The following PAFAH1B1 variants were observed in gnomAD, a reference collection of about 807,000 sequenced individuals.
PAFAH1B1 encodes the protein platelet-activating factor acetylhydrolase IB subunit beta.
A neutral mutation model predicts 57.5 loss-of-function variants in PAFAH1B1; 2 were observed. The ratio of observed to expected loss-of-function variants is 0.03; its 90% confidence interval spans 0.01 to 0.11. The LOEUF is 0.11. Among genes scored for constraint, PAFAH1B1 ranks in the 10% least tolerant of loss-of-function variants. PAFAH1B1 has a pLI of 1.00. For synonymous variants in PAFAH1B1, 152 were observed against 169.6 expected (o/e 0.90, Z 0.81); for missense variants, 257 against 512.0 (o/e 0.50, Z 4.81).
At chr17:2,667,253 G>A in intron 5 of PAFAH1B1, 55 bp downstream of exon 5, 1 of 1,366,168 alleles carries the variant, frequency 7.3e-7, no homozygotes, top group Non-Finnish European at 1.0e-6. Flanking sequence ...AGAATGGCAT[G>A]AACCCGGGAG....
rs2068213838 is a variant in PAFAH1B1 at position 2,607,057 on chromosome 17, A to G, written c.-191+13051A>G. Among the ~76,000 whole-genome samples the G allele has an allele frequency of 2.0e-5, 3 of 151,128 alleles. No homozygotes were observed. In the South Asian group the frequency reaches 6.3e-4, roughly 32 times the overall value. The stretch of plus-strand genomic sequence containing the variant: ...GCTAGGATGGTCTCGATTTCCTGAC[A>G]TTGTGATCCACCCGCCTCGGCCTCC... On this transcript the variant is annotated intron_variant, in intron 1 of 10. Coordinates refer to ENST00000397195, the MANE Select transcript of PAFAH1B1 (RefSeq NM_000430.4).
chr17:2,593,191 AAATCATCTC>A (rs2068040281), upstream of PAFAH1B1: 7 of 152,062 alleles, frequency 4.6e-5, no homozygotes, highest in Admixed American at 3.9e-4. Context: ...CCAAACTGGG[AAATCATCTC>A]GGAGGCCGGA....
At chr17:2,617,643 C>A (rs2068362617) in intron 1 of PAFAH1B1, among the ~76,000 whole-genome samples, 1 of 152,132 alleles carries the variant, frequency 6.6e-6, no homozygotes, top group Non-Finnish European at 1.5e-5. Context: ...TGAGGCCAGG[C>A]ATGGTGGCTC....
intron 1 of PAFAH1B1, among the ~76,000 whole-genome samples, chr17:2,608,051 T>C (rs1229852380): frequency 6.6e-6 from 1 of 152,074 alleles, no homozygotes; most frequent in Non-Finnish European, 1.5e-5. Context: ...GTTTATTTAG[T>C]TGTATAATTT....
At chr17:2,604,812 A>G (rs541825591) in intron 1 of PAFAH1B1, among the ~76,000 whole-genome samples, 1 of 152,270 alleles carries the variant, frequency 6.6e-6, no homozygotes, top group Non-Finnish European at 1.5e-5. Context: ...TCTGTCTCAA[A>G]AAAAAAATAA....
Position 2,677,778 on chromosome 17 carries a change from C to T in PAFAH1B1, c.1002+1172C>T, listed in dbSNP as rs541599126. 2.2e-4 allele frequency among the ~76,000 whole-genome samples: 33 copies of T among 151,792 alleles called. No individual in the cohort carries two copies. In the South Asian group the frequency reaches 6.8e-3, roughly 32 times the overall value. On this transcript the variant is annotated intron_variant, in intron 9 of 10. Transcript: ENST00000397195. ...CTGAGGCAGGAGAATGGCGTGAACC[C>T]GGGAGGCGGAGCTTGCAGTGACCGG... is the stretch of plus-strand genomic sequence containing the variant.
chr17:2,680,078 G>A, intron 9 of PAFAH1B1, 86 bp from the exon 10 acceptor site: 1 of 1,166,974 alleles, frequency 8.6e-7, no homozygotes, highest in Non-Finnish European at 1.3e-6. Flanking sequence ...GATGTTTTTG[G>A]TATGTATAGT....
intron 2 of PAFAH1B1, among the ~76,000 whole-genome samples, chr17:2,648,607 G>A (rs2068804836): frequency 6.6e-6 from 1 of 151,768 alleles, no homozygotes. Context: ...GAGCCCAGGG[G>A]GCAGAGGTTG....
chr17:2,679,002 ATTG>A (rs1481004116), intron 9 of PAFAH1B1, among the ~76,000 whole-genome samples: 6 of 152,194 alleles, frequency 3.9e-5, no homozygotes, highest in African/African-American at 1.4e-4. Context: ...GAAGAACTGA[ATTG>A]TTGGTTGTAT....
At position 2,680,194 on chromosome 17, in the gene PAFAH1B1, C is replaced by T; in HGVS notation, c.1033C>T (p.Leu345=). The T allele has an allele frequency of 1.2e-6, 2 of 1,614,082 alleles. No individual in the cohort carries two copies. Among genetic ancestry groups the T allele is most frequent in the Non-Finnish European group, 1.7e-6 (2 of 1,179,982 alleles). The change falls in exon 10 of 11, where the codon CTG becomes TTG. Residue 345 remains leucine (L), a synonymous_variant. Transcript: ENST00000397195. The part of the protein sequence containing the change: ...VGHDNWVRGV[L]FHSGGKFILS... ...TCATGATAACTGGGTACGTGGAGTT[C>T]TGTTCCATTCTGGGGGGAAGTTTAT...
intron 1 of PAFAH1B1, among the ~76,000 whole-genome samples, chr17:2,618,209 A>T (rs2068373044): frequency 6.6e-6 from 1 of 152,158 alleles, no homozygotes; most frequent in African/African-American, 2.4e-5. Context: ...AGATTGCGCC[A>T]CTACACTCCA....
chr17:2,604,356 A>T (rs917464515), intron 1 of PAFAH1B1, among the ~76,000 whole-genome samples: 3 of 152,168 alleles, frequency 2.0e-5, no homozygotes, highest in Non-Finnish European at 4.4e-5. Context: ...TAATAAAATG[A>T]TTAAATGGAT....
intron 2 of PAFAH1B1, among the ~76,000 whole-genome samples, chr17:2,647,727 G>A (rs966706384): frequency 3.9e-5 from 6 of 152,104 alleles, no homozygotes; most frequent in African/African-American, 1.4e-4. Flanking sequence ...GAGGGCAGCC[G>A]GGCGAGGTGG....
intron 1 of PAFAH1B1, among the ~76,000 whole-genome samples, chr17:2,624,639 A>G (rs1191016531): frequency 1.3e-5 from 2 of 152,090 alleles, no homozygotes; most frequent in Admixed American, 6.6e-5. Flanking sequence ...TGATTCAGTT[A>G]CCTCCCGCTG....
At chr17:2,615,594 C>A (rs1235529657) in intron 1 of PAFAH1B1, among the ~76,000 whole-genome samples, 1 of 152,172 alleles carries the variant, frequency 6.6e-6, no homozygotes, top group African/African-American at 2.4e-5. Context: ...GGGCCTGCCA[C>A]CGCGCCTGGC....
chr17:2,680,690 A>G (rs2069369893), intron 10 of PAFAH1B1, among the ~76,000 whole-genome samples: 1 of 152,200 alleles, frequency 6.6e-6, no homozygotes, highest in Non-Finnish European at 1.5e-5. Context: ...CAGATACTAG[A>G]AACTCAGAAA....
rs1381862298 is a variant in PAFAH1B1 at position 2,684,181 on chromosome 17, A to G, written c.*2379A>G. 2.0e-5 allele frequency: 3 copies of G among 152,766 alleles called. No individual in the cohort carries two copies. The highest frequency in any genetic ancestry group is 2.1e-4 in the South Asian group (1 of 4,826). The allele number at this position is 152,766 out of a possible 1,614,324, so 9.5% of individuals were successfully genotyped here. A position where few individuals can be genotyped will look rare whatever the true frequency, so the allele number is the denominator to read the frequency against. ...CATTGAATCTCAGGGATGGCCCACA[A>G]CTGGGTCCACATGTAATGAGCCCTG... On this transcript the variant is annotated 3_prime_UTR_variant, in exon 11 of 11. Transcript: ENST00000397195.
chr17:2,669,739 T>C (rs2069155280), intron 5 of PAFAH1B1, among the ~76,000 whole-genome samples: 1 of 152,164 alleles, frequency 6.6e-6, no homozygotes, highest in South Asian at 2.1e-4. Flanking sequence ...GCTATAGCCC[T>C]CTGAAGCTCC....
At chr17:2,627,140 T>C (rs1295321880) in intron 1 of PAFAH1B1, among the ~76,000 whole-genome samples, 2 of 152,232 alleles carry the variant, frequency 1.3e-5, no homozygotes, top group East Asian at 3.8e-4. Context: ...CATTTGCTTT[T>C]GGGTTCTTGG....
Sources: allele counts gnomAD v4.1 joint callset (sites outside exome capture counted in the v4.1 genomes callset), GRCh38; gene constraint gnomAD v4.1.1; transcripts MANE v1.5; gene names NCBI Gene and HGNC (gene_info 2026-07-23, HGNC 2026-07-21).